The following BLTP3B variants were observed in gnomAD, a reference collection of about 807,000 sequenced individuals.
The protein encoded by BLTP3B is bridge-like lipid transfer protein family member 3B.
the BLTP3B span, among the ~76,000 whole-genome samples, chr12:100,076,231 A>C: frequency 6.6e-6 from 1 of 151,938 alleles, no homozygotes; most frequent in Non-Finnish European, 1.5e-5. Context: ...CAACCAATAA[A>C]GTTTTATCAG....
At chr12:100,058,287 C>A in the BLTP3B span, 3 of 1,613,678 alleles carry the variant, frequency 1.9e-6, no homozygotes, top group Non-Finnish European at 1.7e-6. Context: ...CTTTTTGTCA[C>A]TTGTTTCTGA....
the BLTP3B span, chr12:100,059,018 T>A: frequency 1.2e-6 from 2 of 1,614,150 alleles, no homozygotes; most frequent in Non-Finnish European, 1.7e-6. Flanking sequence ...TAGATTCACT[T>A]TGTGATGTAT....
chr12:100,139,802 C>T, the BLTP3B span, among the ~76,000 whole-genome samples: 1 of 152,090 alleles, frequency 6.6e-6, no homozygotes, highest in Admixed American at 6.5e-5. Flanking sequence ...TGGAGAAAGA[C>T]AAAAATACAT....
chr12:100,106,365 T>A, the BLTP3B span, among the ~76,000 whole-genome samples: 8 of 151,624 alleles, frequency 5.3e-5, no homozygotes, highest in Admixed American at 1.3e-4. Flanking sequence ...TAAGTGCCCA[T>A]CAACCTATGA....
the BLTP3B span, among the ~76,000 whole-genome samples, chr12:100,129,820 G>A: frequency 6.6e-6 from 1 of 152,184 alleles, no homozygotes; most frequent in Admixed American, 6.5e-5. Flanking sequence ...TAAAATTGCA[G>A]CCAAATTTGG....
the BLTP3B span, among the ~76,000 whole-genome samples, chr12:100,093,609 T>A: frequency 6.6e-6 from 1 of 152,176 alleles, no homozygotes; most frequent in African/African-American, 2.4e-5. Flanking sequence ...AGACTGAGGA[T>A]GAGTAATAAT....
the BLTP3B span, chr12:100,128,543 G>GAAAAA: frequency 2.1e-6 from 2 of 973,606 alleles, no homozygotes; most frequent in Non-Finnish European, 2.6e-6. Context: ...TTTATAGAAT[G>GAAAAA]AAAAAAAAAA....
chr12:100,123,371 A>G, the BLTP3B span, among the ~76,000 whole-genome samples: 3 of 152,156 alleles, frequency 2.0e-5, no homozygotes, highest in African/African-American at 7.2e-5. Context: ...GTGTATAGGG[A>G]AACTCTCTAA....
the BLTP3B span, among the ~76,000 whole-genome samples, chr12:100,106,279 TAAA>T: frequency 3.7e-3 from 545 of 148,232 alleles, 4 homozygotes; most frequent in African/African-American, 0.013. Context: ...ATGACTCTAT[TAAA>T]AAAAAAAAAA....
chr12:100,113,562 C>A, the BLTP3B span, among the ~76,000 whole-genome samples: 1 of 152,084 alleles, frequency 6.6e-6, no homozygotes, highest in Non-Finnish European at 1.5e-5. Flanking sequence ...GATAATAGTA[C>A]CTGCCTCACA....
the BLTP3B span, among the ~76,000 whole-genome samples, chr12:100,054,731 T>C: frequency 1.3e-5 from 2 of 152,154 alleles, no homozygotes; most frequent in Non-Finnish European, 2.9e-5. Context: ...CAGAGAATTT[T>C]TGTTTATGTA....
At chr12:100,074,816 G>A in the BLTP3B span, among the ~76,000 whole-genome samples, 1 of 152,070 alleles carries the variant, frequency 6.6e-6, no homozygotes, top group Non-Finnish European at 1.5e-5. Flanking sequence ...AAATGGCATG[G>A]TACTGATACA....
chr12:100,108,367 ACAGATAT>A, the BLTP3B span: 1 of 1,602,496 alleles, frequency 6.2e-7, no homozygotes, highest in African/African-American at 1.3e-5. Flanking sequence ...ATATCAAGCC[ACAGATAT>A]CAAAGTCTCA....
chr12:100,058,477 T>C, the BLTP3B span: 17 of 1,613,228 alleles, frequency 1.1e-5, no homozygotes, highest in South Asian at 1.1e-5. Context: ...TCAACACTCA[T>C]AGATCTGTTG....
the BLTP3B span, among the ~76,000 whole-genome samples, chr12:100,135,735 ACTAT>A: frequency 1.3e-5 from 2 of 152,226 alleles, no homozygotes; most frequent in Non-Finnish European, 2.9e-5. Context: ...TTATGTACTT[ACTAT>A]CTGTTTCTGA....
At chr12:100,137,915 T>C in the BLTP3B span, among the ~76,000 whole-genome samples, 2 of 152,140 alleles carry the variant, frequency 1.3e-5, no homozygotes, top group African/African-American at 2.4e-5. Flanking sequence ...CCCTTTGCCA[T>C]TGCTAATTGA....
the BLTP3B span, among the ~76,000 whole-genome samples, chr12:100,125,141 G>A: frequency 1.3e-5 from 2 of 148,960 alleles, no homozygotes; most frequent in African/African-American, 4.9e-5. Flanking sequence ...AGATAAGCCC[G>A]GCCAACATGG....
the BLTP3B span, among the ~76,000 whole-genome samples, chr12:100,101,708 A>G: frequency 6.6e-6 from 1 of 152,290 alleles, no homozygotes; most frequent in South Asian, 2.1e-4. Flanking sequence ...TTAGCATCTG[A>G]TTTTCATCTA....
At chr12:100,141,721 A>G in the BLTP3B span, among the ~76,000 whole-genome samples, 1 of 152,142 alleles carries the variant, frequency 6.6e-6, no homozygotes, top group Non-Finnish European at 1.5e-5. Context: ...CGCTGGTAAC[A>G]ACTTGGAACA....
Sources: allele counts gnomAD v4.1 joint callset (sites outside exome capture counted in the v4.1 genomes callset), GRCh38; gene constraint gnomAD v4.1.1; transcripts MANE v1.5; gene names NCBI Gene and HGNC (gene_info 2026-07-23, HGNC 2026-07-21).